The following SAMD8 variants were observed in gnomAD, a reference collection of about 807,000 sequenced individuals.
SAMD8 encodes sphingomyelin synthase-related protein 1.
In SAMD8, 20 loss-of-function variants were observed where a neutral mutation model predicts 42.0. The ratio of observed to expected loss-of-function variants is 0.48; its 90% CI spans 0.34 to 0.69. The LOEUF (loss-of-function observed/expected upper bound fraction) is 0.69. Among genes scored for constraint, SAMD8 ranks in the 30% least tolerant of loss-of-function variants. The pLI, the probability that SAMD8 is intolerant of heterozygous loss-of-function variation, is 0.01. For missense variants in SAMD8, 328 were observed against 511.6 expected (o/e 0.64, Z 3.46); for synonymous variants, 162 against 173.0 (o/e 0.94, Z 0.50).
At chr10:75,121,636 C>T (rs1246855600) in intron 1 of SAMD8, among the ~76,000 whole-genome samples, 3 of 152,104 alleles carry the variant, frequency 2.0e-5, no homozygotes, top group Non-Finnish European at 4.4e-5. Context: ...CATGCATATA[C>T]TTAGTGTGTA....
intron 1 of SAMD8, among the ~76,000 whole-genome samples, chr10:75,112,093 G>A (rs1177899864): frequency 6.6e-6 from 1 of 152,194 alleles, no homozygotes. Context: ...TGGCAGCGGG[G>A]ATGAGGAGTC....
At chr10:75,137,635 A>G (rs1207343769) in intron 1 of SAMD8, among the ~76,000 whole-genome samples, 1 of 152,218 alleles carries the variant, frequency 6.6e-6, no homozygotes, top group Non-Finnish European at 1.5e-5. Flanking sequence ...CAAATATTGC[A>G]TGATTCTACT....
chr10:75,143,036 C>G (rs1011509574), intron 1 of SAMD8, among the ~76,000 whole-genome samples: 1 of 150,970 alleles, frequency 6.6e-6, no homozygotes, highest in Non-Finnish European at 1.5e-5. Flanking sequence ...CGGCTGGGCG[C>G]GGTGGCTCAC....
At chr10:75,142,918 T>C (rs1376698058) in intron 1 of SAMD8, among the ~76,000 whole-genome samples, 2 of 152,220 alleles carry the variant, frequency 1.3e-5, no homozygotes, top group African/African-American at 4.8e-5. Context: ...TTTCCCACAA[T>C]GTAATAATTC....
chr10:75,145,600 G>A (rs1840112675), intron 1 of SAMD8, among the ~76,000 whole-genome samples: 1 of 152,188 alleles, frequency 6.6e-6, no homozygotes, highest in African/African-American at 2.4e-5. Flanking sequence ...CCAGAGACAT[G>A]TTTAGTCAAG....
intron 1 of SAMD8, among the ~76,000 whole-genome samples, chr10:75,138,724 A>T (rs1043147535): frequency 5.3e-5 from 8 of 152,186 alleles, no homozygotes; most frequent in Non-Finnish European, 8.8e-5. Flanking sequence ...TTACTAGTAA[A>T]GCATTTACTT....
chr10:75,167,719 A>G (rs1240434166), intron 3 of SAMD8, among the ~76,000 whole-genome samples: 2 of 152,260 alleles, frequency 1.3e-5, no homozygotes, highest in African/African-American at 2.4e-5. Flanking sequence ...CAGCCTCTCA[A>G]GTAGCTGGGA....
At chr10:75,101,706 C>T (rs997647130) in intron 1 of SAMD8, among the ~76,000 whole-genome samples, 1 of 152,180 alleles carries the variant, frequency 6.6e-6, no homozygotes, top group Non-Finnish European at 1.5e-5. Flanking sequence ...GTCTCTCTGA[C>T]TCTACTATAC....
intron 1 of SAMD8, among the ~76,000 whole-genome samples, chr10:75,146,600 C>T (rs919824317): frequency 3.3e-5 from 5 of 152,018 alleles, no homozygotes; most frequent in Non-Finnish European, 4.4e-5. Flanking sequence ...CTTTTTTTTC[C>T]CCATATATTT....
Position 75,151,090 on chromosome 10 carries a change from G to A in SAMD8, c.562G>A (p.Asp188Asn). 1 of 1,512,970 alleles carries A rather than the reference G, an allele frequency of 6.6e-7. No individual in the cohort carries two copies. Among genetic ancestry groups the A allele is most frequent in the Non-Finnish European group, 8.8e-7 (1 of 1,131,524 alleles). The allele number at this position is 1,512,970 out of a possible 1,614,324, so 93.7% of individuals were successfully genotyped here. A position where few individuals can be genotyped will look rare whatever the true frequency, so the allele number is the denominator to read the frequency against. ...PDMQTYPPLP[D>N]IFLDSVPRIP... ...CATGCAGACCTATCCACCACTCCCA[G>A]ATATATTCTTAGACAGGTAAGTTTT... The change falls in exon 2 of 6, where the codon GAT (aspartate) becomes AAT (asparagine). Residue 188 changes from aspartate (D) to asparagine (N), a missense_variant. Transcript: ENST00000542569.
intron 1 of SAMD8, chr10:75,105,720 C>T: frequency 6.4e-7 from 1 of 1,554,024 alleles, no homozygotes; most frequent in Non-Finnish European, 8.7e-7. Flanking sequence ...AGAGCTGGTG[C>T]AGGAAGCCTC....
intron 1 of SAMD8, among the ~76,000 whole-genome samples, chr10:75,144,207 A>AT (rs35487667): frequency 0.76 from 115,268 of 151,866 alleles, 45,239 homozygotes; most frequent in East Asian, 0.98. Flanking sequence ...TGACCTCGTG[A>AT]CCGCCTACCT....
chr10:75,117,560 C>CA (rs1229304601), intron 1 of SAMD8, among the ~76,000 whole-genome samples: 2 of 151,796 alleles, frequency 1.3e-5, no homozygotes, highest in African/African-American at 4.8e-5. Flanking sequence ...GCTAAAAGTA[C>CA]AAAAAAATTA....
At chr10:75,128,142 G>A (rs1216453824) in intron 1 of SAMD8, among the ~76,000 whole-genome samples, 5 of 135,776 alleles carry the variant, frequency 3.7e-5, no homozygotes, top group African/African-American at 1.1e-4. Context: ...GCGCGATCTT[G>A]GCTCATTGCA....
chr10:75,108,269 G>T, upstream of SAMD8: 1 of 1,532,818 alleles, frequency 6.5e-7, no homozygotes. Flanking sequence ...GAGGGAGGCT[G>T]TGCCTGGCCC....
At chr10:75,153,107 G>A (rs1224756410) in intron 2 of SAMD8, among the ~76,000 whole-genome samples, 1 of 151,644 alleles carries the variant, frequency 6.6e-6, no homozygotes, top group Non-Finnish European at 1.5e-5. Flanking sequence ...TCAGCCTTCC[G>A]AGTAACTGGG....
At chr10:75,162,670 A>AAT (rs1564692918) in intron 2 of SAMD8, among the ~76,000 whole-genome samples, 2 of 142,388 alleles carry the variant, frequency 1.4e-5, no homozygotes, top group African/African-American at 5.3e-5. Context: ...AAAAAAAAAA[A>AAT]CTGAATTGCC....
intron 4 of SAMD8, among the ~76,000 whole-genome samples, chr10:75,175,553 T>C (rs1840972684): frequency 6.6e-6 from 1 of 152,070 alleles, no homozygotes; most frequent in Non-Finnish European, 1.5e-5. Context: ...TTTAATTAAT[T>C]AATCAATTTT....
intron 1 of SAMD8, among the ~76,000 whole-genome samples, chr10:75,114,739 G>A (rs1848839633): frequency 6.6e-6 from 1 of 152,140 alleles, no homozygotes; most frequent in Admixed American, 6.5e-5. Flanking sequence ...GGTGTACCTA[G>A]CATGCCCGTT....
Sources: allele counts gnomAD v4.1 joint callset (sites outside exome capture counted in the v4.1 genomes callset), GRCh38; gene constraint gnomAD v4.1.1; transcripts MANE v1.5; gene names NCBI Gene and HGNC (gene_info 2026-07-23, HGNC 2026-07-21).